The following NLGN1 variants were observed in gnomAD, a reference collection of about 807,000 sequenced individuals.
NLGN1 encodes the protein neuroligin-1.
In NLGN1, 12 loss-of-function variants were observed where a neutral mutation model predicts 65.5. The observed-to-expected ratio is 0.18, with a 90% confidence interval of 0.12 to 0.30. The LOEUF is 0.30. NLGN1 is among the 10% of genes least tolerant of loss of function. The pLI is 1.00. For synonymous variants in NLGN1, 350 were observed against 359.5 expected (o/e 0.97, Z 0.30); for missense variants, 750 against 1,007.1 (o/e 0.74, Z 3.46).
At position 173,546,710 on chromosome 3, in the gene NLGN1, T is replaced by C. The variant is rs907410791; in HGVS notation, c.-320-57569T>C. Reference sequence around the variant, plus strand: ...TGGGCTGCGCTATTAAATTCATGGATTATTGTTCAACTGATAATGAAATGA... The same window carrying C: ...TGGGCTGCGCTATTAAATTCATGGACTATTGTTCAACTGATAATGAAATGA... On this transcript the variant is annotated intron_variant, in intron 2 of 6. Transcript: ENST00000457714. Among the ~76,000 whole-genome samples the C allele has an allele frequency of 9.8e-5, 15 of 152,316 alleles. No individual in the cohort carries two copies. In the East Asian group the frequency reaches 2.7e-3, roughly 27 times the overall value.
At chr3:173,919,689 T>G (rs893024148) in intron 4 of NLGN1, among the ~76,000 whole-genome samples, 1 of 152,168 alleles carries the variant, frequency 6.6e-6, no homozygotes, top group Admixed American at 6.6e-5. Context: ...ATAAAATATT[T>G]AAGGATTTCT....
intron 4 of NLGN1, among the ~76,000 whole-genome samples, chr3:174,124,083 A>C (rs1175255588): frequency 6.6e-6 from 1 of 152,074 alleles, no homozygotes; most frequent in African/African-American, 2.4e-5. Flanking sequence ...GAAGAAAGAG[A>C]GATCCCTTTC....
At chr3:174,114,593 TTTCTC>T (rs372091212) in intron 4 of NLGN1, among the ~76,000 whole-genome samples, 7 of 152,132 alleles carry the variant, frequency 4.6e-5, no homozygotes, top group African/African-American at 1.7e-4. Context: ...GTAGCCATCT[TTTCTC>T]TTTTTTCAGT....
intron 4 of NLGN1, among the ~76,000 whole-genome samples, chr3:174,079,012 G>A (rs189472333): frequency 6.6e-6 from 1 of 152,108 alleles, no homozygotes; most frequent in Admixed American, 6.5e-5. Context: ...GTGTGTGTGT[G>A]TATGTAAATG....
rs552930039 is a variant in NLGN1, at chr3:173,548,624, A to G, written c.-320-55655A>G. 1.2e-4 allele frequency among the ~76,000 whole-genome samples: 19 copies of G among 152,166 alleles called. No individual in the cohort carries two copies. The South Asian group carries it at 3.3e-3, about 27-fold the overall frequency. ...TACAGTATGTGATTTTAGTTTGGTA[A>G]TGAAGGCTGGATTTTTATACTATTG... On this transcript the variant is annotated intron_variant, in intron 2 of 6. Coordinates refer to ENST00000457714, the Ensembl canonical transcript of NLGN1.
At chr3:174,167,963 GAA>G (rs1727839597) in intron 4 of NLGN1, among the ~76,000 whole-genome samples, 1 of 151,748 alleles carries the variant, frequency 6.6e-6, no homozygotes, top group African/African-American at 2.4e-5. Flanking sequence ...TTTAAGCACT[GAA>G]ATTATTTTTT....
At chr3:173,503,892 G>T (rs1731566558) in intron 2 of NLGN1, among the ~76,000 whole-genome samples, 1 of 151,738 alleles carries the variant, frequency 6.6e-6, no homozygotes, top group Non-Finnish European at 1.5e-5. Flanking sequence ...ATCCTGACTG[G>T]GATTTTTTTT....
At chr3:174,066,840 C>T (rs1018409188) in intron 4 of NLGN1, among the ~76,000 whole-genome samples, 4 of 152,010 alleles carry the variant, frequency 2.6e-5, no homozygotes, top group Admixed American at 6.6e-5. Flanking sequence ...AACCTACAGT[C>T]TGTTCAAATG....
At chr3:173,442,052 C>T (rs1022624827) in intron 2 of NLGN1, among the ~76,000 whole-genome samples, 19 of 152,078 alleles carry the variant, frequency 1.2e-4, no homozygotes. Flanking sequence ...ATGACATTTG[C>T]AGTCAAATTA....
chr3:173,999,057 A>T (rs1306734323), intron 4 of NLGN1, among the ~76,000 whole-genome samples: 5 of 152,250 alleles, frequency 3.3e-5, no homozygotes, highest in Admixed American at 3.3e-4. Flanking sequence ...GGCATAGAGC[A>T]TGCTTTCTCC....
chr3:173,478,403 G>A (rs188320907), intron 2 of NLGN1, among the ~76,000 whole-genome samples: 9 of 152,214 alleles, frequency 5.9e-5, no homozygotes. Context: ...GGCCTGTAGG[G>A]AGTGGGGAGG....
chr3:173,658,477 T>A (rs1760419644), intron 3 of NLGN1, among the ~76,000 whole-genome samples: 1 of 152,034 alleles, frequency 6.6e-6, no homozygotes. Flanking sequence ...CAGGTAGTCC[T>A]ACTTCTAATC....
chr3:173,753,854 A>G (rs920928565), intron 3 of NLGN1, among the ~76,000 whole-genome samples: 1 of 150,882 alleles, frequency 6.6e-6, no homozygotes, highest in Non-Finnish European at 1.5e-5. Context: ...TTCTACCTCA[A>G]AGAAGTCACC....
At chr3:173,469,432 G>T (rs940536645) in intron 2 of NLGN1, among the ~76,000 whole-genome samples, 15 of 152,038 alleles carry the variant, frequency 9.9e-5, no homozygotes, top group African/African-American at 3.6e-4. Context: ...TAAGGAAGCA[G>T]TCTGATTACA....
chr3:173,848,607 G>A (rs1726277477), intron 4 of NLGN1, among the ~76,000 whole-genome samples: 1 of 151,996 alleles, frequency 6.6e-6, no homozygotes, highest in Non-Finnish European at 1.5e-5. Flanking sequence ...ACAATGTAAT[G>A]CCATTTTCCC....
intron 4 of NLGN1, among the ~76,000 whole-genome samples, chr3:174,229,207 T>A (rs550190049): frequency 1.1e-3 from 168 of 152,154 alleles, no homozygotes; most frequent in African/African-American, 3.9e-3. Context: ...TATAACAAGA[T>A]CAAGTATGCC....
intron 1 of NLGN1, among the ~76,000 whole-genome samples, chr3:173,433,466 C>G (rs1028587764): frequency 6.6e-6 from 1 of 152,068 alleles, no homozygotes; most frequent in African/African-American, 2.4e-5. Flanking sequence ...CTCTGTCTTA[C>G]CCAGTTAGTT....
Position 173,807,699 on chromosome 3 carries a change from TC to T in NLGN1, c.516del (p.Lys173AsnfsTer3). 1 of 1,613,520 alleles carries T rather than the reference TC, an allele frequency of 6.2e-7. No individual in the cohort carries two copies. The highest frequency in any genetic ancestry group is 8.5e-7 in the Non-Finnish European group (1 of 1,179,618). ...TTCCAGATATTCGGGACAGTGGGGG[TC>T]CCAAACCAGTGATGGTGTATATCCA... is the stretch of plus-strand genomic sequence containing the variant. On this transcript the variant is annotated frameshift_variant, in exon 4 of 7. Coordinates refer to ENST00000457714, the Ensembl canonical transcript of NLGN1. LOFTEE classifies it high-confidence loss of function.
chr3:173,488,065 T>A (rs1176198816), intron 2 of NLGN1, among the ~76,000 whole-genome samples: 1 of 152,044 alleles, frequency 6.6e-6, no homozygotes, highest in Non-Finnish European at 1.5e-5. Flanking sequence ...GATATTTTCT[T>A]CATTCTACTT....
Sources: gnomAD v4.1 joint callset for allele counts (sites outside exome capture counted in the v4.1 genomes callset) on GRCh38, gnomAD v4.1.1 for gene constraint, MANE v1.5 for transcripts, NCBI Gene and HGNC (gene_info 2026-07-23, HGNC 2026-07-21) for gene names.